GRAMD4: variants seen among roughly 807,000 people sequenced by gnomAD.
The protein encoded by GRAMD4 is GRAM domain-containing protein 4.
GRAMD4 carries 25 observed loss-of-function variants against 83.9 expected under a neutral mutation model. That is an observed-to-expected ratio of 0.30 (90% CI 0.22 to 0.42). The LOEUF (loss-of-function observed/expected upper bound fraction) is 0.42. Ranked by LOEUF, GRAMD4 falls within the 10% of genes least tolerant of loss-of-function variation. The pLI, the probability that GRAMD4 is intolerant of heterozygous loss-of-function variation, is 1.00. For synonymous variants in GRAMD4, 336 were observed against 320.9 expected, an observed-to-expected ratio of 1.05 and a Z score of -0.50; for missense variants, 593 against 788.7, an observed-to-expected ratio of 0.75 and a Z score of 2.97.
chr22:46,658,210 G>A lies in GRAMD4; in HGVS notation c.307G>A (p.Glu103Lys). Reference sequence around the variant, plus strand: ...AGAGGAGGAGCTCCGGAAGCTGCGAGAAGAAACCAACGCGGAGATGCTGCG... The same window carrying A: ...AGAGGAGGAGCTCCGGAAGCTGCGAAAAGAAACCAACGCGGAGATGCTGCG... Reference protein sequence around the residue: ...FLQEELRKLREETNAEMLRQE... With the variant: ...FLQEELRKLRKETNAEMLRQE... The change falls in exon 4 of 19, where the codon GAA becomes AAA. Residue 103 changes from glutamate (E) to lysine (K), a missense_variant. Glu to Lys is a moderately conservative substitution (Grantham distance 56). Transcript: ENST00000406902. 6.2e-7 allele frequency: 1 copy of A among 1,613,816 alleles called. No homozygotes were observed. Among genetic ancestry groups the A allele is most frequent in the Non-Finnish European group, 8.5e-7 (1 of 1,179,952 alleles).
intron 3 of GRAMD4, among the ~76,000 whole-genome samples, chr22:46,651,336 C>T (rs1459028763): frequency 1.3e-5 from 2 of 152,222 alleles, no homozygotes; most frequent in African/African-American, 4.8e-5. Context: ...GCCCTCGACC[C>T]TGGAAGAGGC....
intron 3 of GRAMD4, among the ~76,000 whole-genome samples, chr22:46,653,062 G>T (rs1360598301): frequency 6.6e-6 from 1 of 152,220 alleles, no homozygotes; most frequent in Non-Finnish European, 1.5e-5. Flanking sequence ...GGACTCATGG[G>T]AGAGCAGCGG....
At chr22:46,673,043 G>A (rs753733935) in intron 14 of GRAMD4, 46 bp downstream of exon 14, 100 of 1,454,140 alleles carry the variant, frequency 6.9e-5, no homozygotes, top group Middle Eastern at 2.0e-4. Flanking sequence ...GGGGGGCCAC[G>A]AAGCCGGGCA....
chr22:46,679,833 G>A (rs556443647), downstream of GRAMD4: 14 of 980,162 alleles, frequency 1.4e-5, no homozygotes, highest in East Asian at 6.8e-4. Flanking sequence ...CATTGTAGGC[G>A]GCCTGAGCCA....
At chr22:46,595,319 GTT>G (rs1390904092) in intron 1 of GRAMD4, among the ~76,000 whole-genome samples, 1 of 152,188 alleles carries the variant, frequency 6.6e-6, no homozygotes, top group South Asian at 2.1e-4. Flanking sequence ...TGGGACTGGT[GTT>G]TCACTTGGCT....
intron 1 of GRAMD4, among the ~76,000 whole-genome samples, chr22:46,611,642 T>C (rs1054517448): frequency 5.3e-5 from 8 of 152,074 alleles, no homozygotes; most frequent in Non-Finnish European, 1.0e-4. Flanking sequence ...GAGGCTGCCC[T>C]TCTGAGGTGT....
intron 1 of GRAMD4, among the ~76,000 whole-genome samples, chr22:46,593,330 C>T (rs571612229): frequency 2.0e-5 from 3 of 152,134 alleles, no homozygotes; most frequent in Admixed American, 6.6e-5. Context: ...TTGTTGCAGG[C>T]GGTCTTGGCG....
intron 6 of GRAMD4, 104 bp from the exon 7 acceptor site, chr22:46,663,734 A>G: frequency 9.0e-7 from 1 of 1,107,160 alleles, no homozygotes; most frequent in East Asian, 2.4e-5. Flanking sequence ...GGCTGTTGAG[A>G]CGTCCTCCCT....
chr22:46,608,658 G>A (rs1283610669), intron 1 of GRAMD4, among the ~76,000 whole-genome samples: 1 of 152,128 alleles, frequency 6.6e-6, no homozygotes, highest in Non-Finnish European at 1.5e-5. Flanking sequence ...CAGCCTGGGC[G>A]ACAAGAGCGA....
Position 46,677,454 on chromosome 22 carries a change from C to T in GRAMD4, c.*203C>T. 1.5e-6 allele frequency: 2 copies of T among 1,343,822 alleles called. No individual in the cohort carries two copies. Among genetic ancestry groups the T allele is most frequent in the Non-Finnish European group, 1.9e-6 (2 of 1,046,448 alleles). 83.2% of individuals were successfully genotyped at this position (1,343,822 alleles called of 1,614,324 possible). ...GGCTCACAGGGACGGGGGTGCCCCT[C>T]TCCCACAGGGCACGTCAGGTGCCTC... is the stretch of plus-strand genomic sequence containing the variant. On this transcript the variant is annotated 3_prime_UTR_variant, in exon 19 of 19. Transcript: ENST00000406902.
In GRAMD4 at chr22:46,622,124, C is replaced by A. The variant is rs1305884031; in HGVS notation, c.-50+1559C>A. Among the ~76,000 whole-genome samples the A allele has an allele frequency of 6.6e-6, 1 of 152,182 alleles. No individual in the cohort carries two copies. The highest frequency in any genetic ancestry group is 1.5e-5 in the Non-Finnish European group (1 of 68,030). ...TGGTGACAGGCGGGACACTCAGGGC[C>A]TTTGTCCCCTCTCTCATTGCCTCAT... On this transcript the variant is annotated intron_variant, in intron 1 of 18. Coordinates refer to ENST00000406902, the MANE Select transcript of GRAMD4 (RefSeq NM_015124.5). This position sits in a 1 kb window ranked among gnomAD's most constrained non-coding sequence, Gnocchi z 4.0.
At position 46,626,444 on chromosome 22, in the gene GRAMD4, G is replaced by A. The variant is rs533743156; in HGVS notation, c.-49-307G>A. Among the ~76,000 whole-genome samples the A allele has an allele frequency of 2.0e-4, 31 of 152,368 alleles. 1 individual carries two copies. The South Asian group carries it at 4.8e-3, about 23-fold the overall frequency. On this transcript the variant is annotated intron_variant, in intron 1 of 18. Transcript: ENST00000406902. ...GGGAGCCGGGGGCCTCGCTTGGTGG[G>A]AGGCAAGGACGCAGCTCAGCACTGA...
intron 3 of GRAMD4, among the ~76,000 whole-genome samples, chr22:46,645,297 T>C (rs1056478197): frequency 6.6e-6 from 1 of 152,156 alleles, no homozygotes; most frequent in African/African-American, 2.4e-5. Flanking sequence ...CAGAAGGATA[T>C]AGAATGTGAG....
At chr22:46,641,392 TAAGGAAGGAAGGAAGG>T (rs61099873) in intron 3 of GRAMD4, among the ~76,000 whole-genome samples, 7 of 150,188 alleles carry the variant, frequency 4.7e-5, no homozygotes, top group South Asian at 4.2e-4. Flanking sequence ...AATAAATAAA[TAAGGAAGGAAGGAAGG>T]AAGGAAGGAA....
chr22:46,654,378 C>A (rs2147306750), intron 3 of GRAMD4, among the ~76,000 whole-genome samples: 1 of 152,332 alleles, frequency 6.6e-6, no homozygotes, highest in East Asian at 1.9e-4. Context: ...CACCCAGGCA[C>A]CCTCTCAGGG....
chr22:46,644,535 T>C (rs954917908), intron 3 of GRAMD4, among the ~76,000 whole-genome samples: 1 of 151,772 alleles, frequency 6.6e-6, no homozygotes, highest in South Asian at 2.1e-4. Context: ...GTTACACCTG[T>C]CCCTGTTCTG....
At chr22:46,609,674 G>A (rs373102083) in intron 1 of GRAMD4, among the ~76,000 whole-genome samples, 5 of 152,216 alleles carry the variant, frequency 3.3e-5, no homozygotes, top group Admixed American at 2.0e-4. Context: ...AGAGGCCCAC[G>A]CACACACTGG....
intron 3 of GRAMD4, among the ~76,000 whole-genome samples, chr22:46,650,343 CTGGGTGGAGGGCTGCGTGTCGAGG>C (rs2082145631): frequency 1.3e-5 from 2 of 149,998 alleles, no homozygotes; most frequent in African/African-American, 4.9e-5. Flanking sequence ...CGTGTCGAGG[CTGGGTGGAGGGCTGCGTGTCGAGG>C]CTGGGTGGAG....
chr22:46,576,946 AC>A (rs1199362574), upstream of GRAMD4, among the ~76,000 whole-genome samples: 1 of 143,746 alleles, frequency 7.0e-6, no homozygotes, highest in Non-Finnish European at 1.5e-5. Flanking sequence ...GCGCACGCGG[AC>A]CCGCCAGGGC....
Sources: gnomAD v4.1 joint callset for allele counts (sites outside exome capture counted in the v4.1 genomes callset) on GRCh38, gnomAD v4.1.1 for gene constraint, Gnocchi (gnomAD v3.1) non-coding constraint, MANE v1.5 for transcripts, NCBI Gene and HGNC (gene_info 2026-07-23, HGNC 2026-07-21) for gene names.